CADPS: variants seen among roughly 807,000 people sequenced by gnomAD.
CADPS encodes the protein calcium-dependent secretion activator 1.
A neutral mutation model predicts 167.3 loss-of-function variants in CADPS; 57 were observed. The observed-to-expected ratio is 0.34, with a 90% CI of 0.28 to 0.42. The LOEUF is 0.42. Ranked by LOEUF, CADPS falls within the 20% of genes least tolerant of loss-of-function variation. The pLI, the probability that CADPS is intolerant of heterozygous loss-of-function variation, is 1.00. For synonymous variants in CADPS, 676 were observed against 635.3 expected (o/e 1.06, Z -0.96); for missense variants, 1,414 against 1,738.1 (o/e 0.81, Z 3.32).
At position 62,458,957 on chromosome 3, in the gene CADPS, G is replaced by T. The variant is rs1246873446; in HGVS notation, c.3636+6410C>A. Among the ~76,000 whole-genome samples, 1 of 152,138 alleles carries T rather than the reference G, an allele frequency of 6.6e-6. No individual in the cohort carries two copies. The highest frequency in any genetic ancestry group is 1.5e-5 in the Non-Finnish European group (1 of 68,012). ...TTCTCTTCTGTAAAGCTTCTGAAGGGTTGCTTCAGACAGCAAGTGTGTTAA... is the reference window on the plus strand; with the variant it reads ...TTCTCTTCTGTAAAGCTTCTGAAGGTTTGCTTCAGACAGCAAGTGTGTTAA... On this transcript the variant is annotated intron_variant, in intron 26 of 29. Coordinates refer to ENST00000383710, the MANE Select transcript of CADPS (RefSeq NM_003716.4). The surrounding 1 kb of genome is among the most constrained non-coding windows in gnomAD (Gnocchi z 4.6).
At chr3:62,731,810 A>AAAAAAAAAAAAC (rs2077906514) in intron 3 of CADPS, among the ~76,000 whole-genome samples, 1 of 84,896 alleles carries the variant, frequency 1.2e-5, no homozygotes, top group Non-Finnish European at 2.2e-5. Context: ...ATATGCAAAA[A>AAAAAAAAAAAAC]AAAAAAAAAA....
At chr3:62,662,005 C>A in intron 4 of CADPS, among the ~76,000 whole-genome samples, 1 of 152,150 alleles carries the variant, frequency 6.6e-6, no homozygotes, top group East Asian at 1.9e-4. Flanking sequence ...TGAAGGCATT[C>A]AACCTGAAAT....
At chr3:62,559,301 T>TAGTG (rs2078731094) in intron 9 of CADPS, among the ~76,000 whole-genome samples, 1 of 152,204 alleles carries the variant, frequency 6.6e-6, no homozygotes, top group African/African-American at 2.4e-5. Context: ...GGGCATTCAC[T>TAGTG]AGTTGAATCT....
intron 6 of CADPS, among the ~76,000 whole-genome samples, chr3:62,599,732 A>ATAATAT (rs2059518890): frequency 2.2e-5 from 1 of 44,704 alleles, no homozygotes; most frequent in African/African-American, 1.1e-4. Context: ...TATATAGTAT[A>ATAATAT]TATAATATAT....
intron 28 of CADPS, among the ~76,000 whole-genome samples, chr3:62,431,484 T>G (rs2053942113): frequency 6.6e-6 from 1 of 151,990 alleles, no homozygotes; most frequent in Non-Finnish European, 1.5e-5. Flanking sequence ...TGAATTCTGC[T>G]AAGTTACTAA....
chr3:62,782,134 G>T (rs185952654), intron 1 of CADPS, among the ~76,000 whole-genome samples: 11 of 152,314 alleles, frequency 7.2e-5, no homozygotes, highest in Admixed American at 6.5e-4. Flanking sequence ...GAAAGGAGAA[G>T]ATATTCAAAG....
intron 5 of CADPS, among the ~76,000 whole-genome samples, chr3:62,649,433 T>C (rs2069430457): frequency 6.6e-6 from 1 of 151,914 alleles, no homozygotes; most frequent in Non-Finnish European, 1.5e-5. Flanking sequence ...CCTAACAAGA[T>C]TTCTTATGCC....
At position 62,618,880 on chromosome 3, in the gene CADPS, G is replaced by C. The variant is rs1311178808; in HGVS notation, c.1326-26132C>G. Among the ~76,000 whole-genome samples, 18 of 152,260 alleles carry C rather than the reference G, an allele frequency of 1.2e-4. No homozygotes were observed. The East Asian group carries it at 3.5e-3, about 29-fold the overall frequency. The stretch of plus-strand genomic sequence containing the variant: ...CTAGGCATTATGCTAGACATTTCAA[G>C]TACTAGATAAAAAAGATCCCTGCTC... On this transcript the variant is annotated intron_variant, in intron 6 of 29. Transcript: ENST00000383710.
intron 7 of CADPS, among the ~76,000 whole-genome samples, chr3:62,589,773 C>G (rs1381353549): frequency 2.0e-5 from 3 of 152,152 alleles, no homozygotes; most frequent in Non-Finnish European, 2.9e-5. Context: ...ATCTATAAAA[C>G]AAAGGATTTC....
At chr3:62,735,927 T>A (rs1232625396) in intron 3 of CADPS, among the ~76,000 whole-genome samples, 1 of 152,176 alleles carries the variant, frequency 6.6e-6, no homozygotes, top group African/African-American at 2.4e-5. Context: ...CCGGGTCTCT[T>A]AGGTTATAGC....
At chr3:62,521,124 T>TG (rs1253666975) in intron 13 of CADPS, among the ~76,000 whole-genome samples, 1 of 152,084 alleles carries the variant, frequency 6.6e-6, no homozygotes, top group Non-Finnish European at 1.5e-5. Context: ...TCAGTAGAGC[T>TG]GGGGGGTAGG....
chr3:62,820,795 G>GTTTTTTTTTTTT (rs5849504), intron 1 of CADPS, among the ~76,000 whole-genome samples: 9 of 137,988 alleles, frequency 6.5e-5, no homozygotes, highest in African/African-American at 1.4e-4. Flanking sequence ...CTTTTTTTTG[G>GTTTTTTTTTTTT]TTTTTTTTTT....
At chr3:62,526,187 A>C (rs181129276) in intron 13 of CADPS, among the ~76,000 whole-genome samples, 1 of 152,302 alleles carries the variant, frequency 6.6e-6, no homozygotes, top group African/African-American at 2.4e-5. Flanking sequence ...ACAAGGGATC[A>C]CATGGTCTCT....
chr3:62,747,747 G>C (rs1348665260), intron 3 of CADPS, among the ~76,000 whole-genome samples: 1 of 152,176 alleles, frequency 6.6e-6, no homozygotes, highest in Non-Finnish European at 1.5e-5. Flanking sequence ...GAAATTCAGA[G>C]AGAATAAATG....
At chr3:62,737,895 G>A (rs1489828614) in intron 3 of CADPS, among the ~76,000 whole-genome samples, 2 of 151,864 alleles carry the variant, frequency 1.3e-5, no homozygotes, top group African/African-American at 4.8e-5. Context: ...ATTATCCTCT[G>A]TCTCCTCATT....
At chr3:62,423,803 G>C (rs2051998094) in intron 28 of CADPS, among the ~76,000 whole-genome samples, 1 of 152,156 alleles carries the variant, frequency 6.6e-6, no homozygotes, top group African/African-American at 2.4e-5. Context: ...TGGAGATCAC[G>C]AAGGTTCCTA....
chr3:62,566,163 C>A (rs2152419004), intron 9 of CADPS, among the ~76,000 whole-genome samples: 1 of 152,284 alleles, frequency 6.6e-6, no homozygotes, highest in East Asian at 1.9e-4. Flanking sequence ...GTGGTTTCCA[C>A]ACTGTTTTCC....
At position 62,575,090 on chromosome 3, in the gene CADPS, AT is replaced by A. The variant is rs201305750; in HGVS notation, c.1578-4153del. ...GAATTATATCTGGCAGCTACTAACC[AT>A]TTCCCTTTACTTTGCATCCATAGAA... On this transcript the variant is annotated intron_variant, in intron 8 of 29. Transcript: ENST00000383710. 6.4e-4 allele frequency among the ~76,000 whole-genome samples: 98 copies of A among 152,352 alleles called. No individual in the cohort carries two copies. The East Asian group carries it at 0.018, about 28-fold the overall frequency.
intron 3 of CADPS, among the ~76,000 whole-genome samples, chr3:62,737,802 G>A (rs74480367): frequency 2.0e-5 from 3 of 152,170 alleles, no homozygotes; most frequent in African/African-American, 7.2e-5. Context: ...TCCCCAGGCT[G>A]TTCCTTCATT....
Sources: allele counts gnomAD v4.1 joint callset (sites outside exome capture counted in the v4.1 genomes callset), GRCh38; gene constraint gnomAD v4.1.1; non-coding constraint Gnocchi (gnomAD v3.1); transcripts MANE v1.5; gene names NCBI Gene and HGNC (gene_info 2026-07-23, HGNC 2026-07-21).